Variants in VPS13D observed in about 807,000 individuals in gnomAD.
VPS13D encodes the protein vacuolar protein sorting 13 homolog D, also known as intermembrane lipid transfer protein VPS13D.
A neutral mutation model predicts 461.9 loss-of-function variants in VPS13D; 187 were observed. The ratio of observed to expected loss-of-function variants is 0.40; its 90% CI spans 0.36 to 0.46. VPS13D has a LOEUF of 0.46. Ranked by LOEUF, VPS13D falls within the 20% of genes least tolerant of loss-of-function variation. The pLI is 0.60. For synonymous variants in VPS13D, 1,951 were observed against 1,986.3 expected (o/e 0.98, Z 0.47); for missense variants, 4,711 against 5,364.9 (o/e 0.88, Z 3.81).
At chr1:12,315,868 G>T (rs1014200105) in intron 30 of VPS13D, among the ~76,000 whole-genome samples, 41 of 151,904 alleles carry the variant, frequency 2.7e-4, no homozygotes, top group Non-Finnish European at 1.3e-4. Context: ...CTAGGCTGGA[G>T]TGCAGTGGCA....
intron 63 of VPS13D, among the ~76,000 whole-genome samples, chr1:12,404,526 A>C (rs1045644990): frequency 7.2e-5 from 11 of 152,354 alleles, no homozygotes; most frequent in Non-Finnish European, 1.5e-5. Context: ...TGAAGCCCTT[A>C]GACCATCTTG....
At chr1:12,403,187 C>T (rs114666309) in intron 62 of VPS13D, among the ~76,000 whole-genome samples, 52 of 152,370 alleles carry the variant, frequency 3.4e-4, no homozygotes, top group Admixed American at 5.9e-4. Flanking sequence ...GTGCATACAG[C>T]ATCAAGTGCA....
At chr1:12,460,084 T>G (rs952214227) in intron 66 of VPS13D, 117 bp from the exon 67 acceptor site, 2 of 945,592 alleles carry the variant, frequency 2.1e-6, no homozygotes, top group Non-Finnish European at 3.0e-6. Flanking sequence ...GTGGCCTCTC[T>G]GGCACAGAGA....
chr1:12,293,122 C>A (rs1266015325), intron 23 of VPS13D, among the ~76,000 whole-genome samples: 1 of 152,180 alleles, frequency 6.6e-6, no homozygotes, highest in East Asian at 1.9e-4. Flanking sequence ...GACAGTTTTT[C>A]CTAGAAACAT....
intron 52 of VPS13D, among the ~76,000 whole-genome samples, chr1:12,363,930 C>T (rs1011945490): frequency 1.6e-4 from 17 of 106,638 alleles, no homozygotes; most frequent in Admixed American, 6.1e-4. Flanking sequence ...TCCAGTCAGG[C>T]GACAGAGTAA....
intron 62 of VPS13D, chr1:12,402,500 G>A (rs991035793): frequency 3.9e-5 from 6 of 152,180 alleles, no homozygotes; most frequent in Admixed American, 6.5e-5. Context: ...AAATCACTGG[G>A]AATGTGTGTA....
intron 67 of VPS13D, among the ~76,000 whole-genome samples, chr1:12,490,491 T>C (rs981555368): frequency 2.1e-4 from 32 of 152,196 alleles, no homozygotes; most frequent in Non-Finnish European, 1.3e-4. Context: ...GTAAAATCTG[T>C]TTATGGAGAA....
chr1:12,411,589 CATT>C (rs1018332152), intron 63 of VPS13D, among the ~76,000 whole-genome samples: 2 of 152,056 alleles, frequency 1.3e-5, no homozygotes, highest in African/African-American at 2.4e-5. Context: ...ACTACTGTAT[CATT>C]ATCTATTATT....
intron 67 of VPS13D, among the ~76,000 whole-genome samples, chr1:12,466,333 A>C (rs993512891): frequency 1.3e-5 from 2 of 152,182 alleles, no homozygotes; most frequent in Admixed American, 1.3e-4. Flanking sequence ...GATTGAGTAA[A>C]GATTCAAATG....
Position 12,415,096 on chromosome 1 carries a change from A to G in VPS13D, c.12040A>G (p.Ser4014Gly), listed in dbSNP as rs1324050877. ...TTTCTTCCCTAATTAGGCCCTAAAA[A>G]GCACCTTGGGGTTTCCTTTGATACG... ...KLPLDLKALK[S>G]TLGFPLIRFE... Residue 4014 changes from serine (S) to glycine (G), a missense_variant, in exon 64 of 70, where the codon AGC becomes GGC. Ser to Gly is a moderately conservative substitution (Grantham distance 56). Transcript: ENST00000620676. 1 of 1,613,972 alleles carries G rather than the reference A, an allele frequency of 6.2e-7. No homozygotes were observed. The highest frequency in any genetic ancestry group is 2.2e-5 in the East Asian group (1 of 44,864).
intron 38 of VPS13D, among the ~76,000 whole-genome samples, chr1:12,335,069 GA>G (rs1308511210): frequency 6.6e-6 from 1 of 152,138 alleles, no homozygotes; most frequent in Non-Finnish European, 1.5e-5. Context: ...TTCTCTCACA[GA>G]AGTAAAACTA....
chr1:12,489,534 G>C (rs930919955), intron 67 of VPS13D, among the ~76,000 whole-genome samples: 1 of 152,150 alleles, frequency 6.6e-6, no homozygotes, highest in Non-Finnish European at 1.5e-5. Context: ...TCTAGGGAGA[G>C]GTAAGTAGAA....
At position 12,257,384 on chromosome 1, in the gene VPS13D, A is replaced by C. The variant is rs187761077; in HGVS notation, c.941+297A>C. 4.6e-5 allele frequency among the ~76,000 whole-genome samples: 7 copies of C among 152,296 alleles called. No homozygotes were observed. The East Asian group carries it at 1.3e-3, about 29-fold the overall frequency. On this transcript the variant is annotated intron_variant, in intron 9 of 69. Coordinates refer to ENST00000620676, the MANE Select transcript of VPS13D (RefSeq NM_015378.4). ...CTGGTGGGATCTGGTGTGTATTATA[A>C]ATACTTTAAATATTCTTTGAACCTA...
intron 50 of VPS13D, among the ~76,000 whole-genome samples, chr1:12,361,985 C>T (rs1039428813): frequency 6.6e-6 from 1 of 152,178 alleles, no homozygotes; most frequent in African/African-American, 2.4e-5. Flanking sequence ...GCCTCAGCCT[C>T]CCGAGTAGCT....
At chr1:12,233,283 G>A (rs796830027) in intron 1 of VPS13D, among the ~76,000 whole-genome samples, 2 of 152,182 alleles carry the variant, frequency 1.3e-5, no homozygotes, top group Non-Finnish European at 2.9e-5. Flanking sequence ...TGGGACTCCA[G>A]GCGTGAGCCA....
intron 57 of VPS13D, among the ~76,000 whole-genome samples, chr1:12,382,767 T>G (rs532996405): frequency 7.9e-5 from 12 of 152,346 alleles, no homozygotes; most frequent in Non-Finnish European, 8.8e-5. Context: ...TTACCAAAAT[T>G]TATGAGCATA....
chr1:12,362,794 G>T lies in VPS13D; in HGVS notation c.10216G>T (p.Asp3406Tyr), dbSNP rs1221385467. 1.2e-6 allele frequency: 2 copies of T among 1,614,224 alleles called. No homozygotes were observed. The highest frequency in any genetic ancestry group is 1.7e-6 in the Non-Finnish European group (2 of 1,180,036). ...MVIFAPRYLL[D>Y]NKSSHKLAFA... is the part of the protein sequence containing the mutation. Reference sequence around the variant, plus strand: ...CATCTTTGCCCCCCGTTACCTGTTAGATAATAAATCATCTCACAAGCTTGC... The same window carrying T: ...CATCTTTGCCCCCCGTTACCTGTTATATAATAAATCATCTCACAAGCTTGC... The change falls in exon 51 of 70, where the codon GAT (aspartate) becomes TAT (tyrosine). Residue 3406 changes from aspartate (D) to tyrosine (Y), a missense_variant. Asp to Tyr is a radical substitution (Grantham distance 160). Transcript: ENST00000620676.
Position 12,353,682 on chromosome 1 carries a change from G to A in VPS13D, c.9432-292G>A, listed in dbSNP as rs72868220. Reference sequence around the variant, plus strand: ...TGCCTGAATGATGGAGGAGAATATCGATTGGAAAAGGACATGAGGGAACTT... The same window carrying A: ...TGCCTGAATGATGGAGGAGAATATCAATTGGAAAAGGACATGAGGGAACTT... On this transcript the variant is annotated intron_variant, in intron 46 of 69. Transcript: ENST00000620676. Among the ~76,000 whole-genome samples, 491 of 151,490 alleles carry A rather than the reference G, an allele frequency of 3.2e-3. 1 individual carries two copies. Among genetic ancestry groups the A allele is most frequent in the African/African-American group, 0.011 (459 of 40,956 alleles).
In VPS13D at chr1:12,456,109, G is replaced by A. The variant is rs1645323227; in HGVS notation, c.12445G>A (p.Gly4149Ser). ...CACAAGTGGTGAACACCTTGTAGCC[G>A]GCATCCATGGCCTGGCTCATGGTAA... ...AATSGEHLVAGIHGLAHGIIG... is the reference protein window; with the variant it reads ...AATSGEHLVASIHGLAHGIIG... The change falls in exon 66 of 70, where the codon GGC becomes AGC. Residue 4149 changes from glycine (G) to serine (S), a missense_variant. Around this residue, in one of 3 missense-constraint regions of VPS13D, gnomAD observed 106 missense variants for 206.2 expected, o/e 0.51. Coordinates refer to ENST00000620676, the MANE Select transcript of VPS13D (RefSeq NM_015378.4). 2.5e-6 allele frequency: 4 copies of A among 1,612,756 alleles called. No individual in the cohort carries two copies. Among genetic ancestry groups the A allele is most frequent in the South Asian group, 1.1e-5 (1 of 90,868 alleles).
Sources: gnomAD v4.1 joint callset for allele counts (sites outside exome capture counted in the v4.1 genomes callset) on GRCh38, gnomAD v4.1.1 for gene constraint, gnomAD v4.1.1 regional missense constraint, MANE v1.5 for transcripts, NCBI Gene and HGNC (gene_info 2026-07-23, HGNC 2026-07-21) for gene names.